Variants in SMAD5 observed in about 807,000 individuals in gnomAD.
SMAD5 encodes MAD, mothers against decapentaplegic homolog 5.
In SMAD5, 9 loss-of-function variants were observed where a neutral mutation model predicts 43.1. The observed-to-expected ratio is 0.21, with a 90% CI of 0.13 to 0.36. SMAD5 has a LOEUF of 0.36. Among genes scored for constraint, SMAD5 ranks in the 10% least tolerant of loss-of-function variants. SMAD5 has a pLI of 1.00. For missense variants in SMAD5, 348 were observed against 574.0 expected (o/e 0.61, Z 4.02); for synonymous variants, 190 against 192.4 (o/e 0.99, Z 0.10).
intron 1 of SMAD5, among the ~76,000 whole-genome samples, chr5:136,145,234 C>T (rs1753220830): frequency 1.3e-5 from 2 of 151,740 alleles, no homozygotes; most frequent in South Asian, 4.2e-4. Flanking sequence ...ATGGCTCTGA[C>T]TTGCTGTTTC....
At chr5:136,154,231 T>C in intron 3 of SMAD5, 68 bp downstream of exon 3, 4 of 920,982 alleles carry the variant, frequency 4.3e-6, no homozygotes, top group Non-Finnish European at 6.2e-6. Context: ...GATATGCATG[T>C]AACTAGATTT....
At chr5:136,168,090 C>G (rs1348083666) in intron 5 of SMAD5, among the ~76,000 whole-genome samples, 2 of 152,146 alleles carry the variant, frequency 1.3e-5, no homozygotes, top group African/African-American at 4.8e-5. Flanking sequence ...ATCTGCCCAC[C>G]TTGGCCTCCC....
intron 1 of SMAD5, among the ~76,000 whole-genome samples, chr5:136,135,197 A>T (rs889174995): frequency 6.6e-6 from 1 of 152,196 alleles, no homozygotes; most frequent in Admixed American, 6.5e-5. Flanking sequence ...ATGAGGTTTG[A>T]ATCAGATTGT....
intron 7 of SMAD5, among the ~76,000 whole-genome samples, chr5:136,175,001 C>A (rs568378537): frequency 6.6e-6 from 1 of 152,308 alleles, no homozygotes; most frequent in African/African-American, 2.4e-5. Context: ...TTAATGAACT[C>A]ACAGTTCCAC....
At chr5:136,157,612 A>G (rs1753682310) in intron 3 of SMAD5, among the ~76,000 whole-genome samples, 1 of 152,148 alleles carries the variant, frequency 6.6e-6, no homozygotes, top group African/African-American at 2.4e-5. Context: ...TCTCATAAGG[A>G]GCGCACAACC....
chr5:136,161,125 T>C lies in SMAD5; in HGVS notation c.655+18T>C. 6.3e-7 allele frequency: 1 copy of C among 1,577,322 alleles called. No individual in the cohort carries two copies. Among genetic ancestry groups the C allele is most frequent in the Non-Finnish European group, 8.6e-7 (1 of 1,169,538 alleles). On this transcript the variant is annotated intron_variant, in intron 4 of 7. Transcript: ENST00000545279. ...GCTCCCAGGTAAGACTTTATTTTAT[T>C]GATACCAAAAAAAAAAAAATTCCTA...
chr5:136,164,481 A>G (rs1193771029), intron 5 of SMAD5, among the ~76,000 whole-genome samples: 2 of 152,166 alleles, frequency 1.3e-5, no homozygotes, highest in African/African-American at 4.8e-5. Flanking sequence ...GCATTTCTCT[A>G]ATGAGCAATG....
chr5:136,134,490 A>G (rs1752806933), intron 1 of SMAD5: 1 of 152,266 alleles, frequency 6.6e-6, no homozygotes, highest in African/African-American at 2.4e-5. Flanking sequence ...AACAGTACCT[A>G]CATTCAGTGT....
rs1379213715 is a variant in SMAD5, at chr5:136,178,657, G to T, written c.*1177G>T. 1 of 152,146 alleles carries T rather than the reference G, an allele frequency of 6.6e-6. No individual in the cohort carries two copies. Among genetic ancestry groups the T allele is most frequent in the East Asian group, 1.9e-4 (1 of 5,188 alleles). 9.4% of individuals were successfully genotyped at this position (152,146 alleles called of 1,614,324 possible). ...TACTTGTATCAGCCTCCCTACGCAA[G>T]GACCTATGCACTGGAGCCGTAGGAG... On this transcript the variant is annotated 3_prime_UTR_variant, in exon 8 of 8. Coordinates refer to ENST00000545279, the MANE Select transcript of SMAD5 (RefSeq NM_005903.7).
Position 136,137,273 on chromosome 5 carries a change from C to CCCA in SMAD5, c.-245+4313_-245+4314insACC, listed in dbSNP as rs1272147669. On this transcript the variant is annotated intron_variant, in intron 1 of 7. Transcript: ENST00000545279. The stretch of plus-strand genomic sequence containing the variant: ...TTTTGCTCTTGAATTTTTTGGGACC[C>CCCA]CCCCCCGCATCTCTTCCTATAGCAT... Among the ~76,000 whole-genome samples the CCCA allele has an allele frequency of 1.2e-4, 18 of 147,424 alleles. 1 individual carries two copies. Among genetic ancestry groups the CCCA allele is most frequent in the Admixed American group, 3.3e-4 (5 of 15,024 alleles).
At chr5:136,146,033 C>G (rs1753247046) in intron 1 of SMAD5, among the ~76,000 whole-genome samples, 1 of 151,870 alleles carries the variant, frequency 6.6e-6, no homozygotes, top group Non-Finnish European at 1.5e-5. Context: ...TAGTTATGGG[C>G]ACATTTCAGT....
In SMAD5 at chr5:136,167,670, C is replaced by T. The variant is rs117926545; in HGVS notation, c.775+4279C>T. Among the ~76,000 whole-genome samples, 125 of 149,258 alleles carry T rather than the reference C, an allele frequency of 8.4e-4. 2 individuals carry two copies. The East Asian group carries it at 0.022, about 26-fold the overall frequency. ...GTGGGTGCTTGTAATCCCACCTGCT[C>T]GGGAGGCTGAGGCTGGAGAATCACT... On this transcript the variant is annotated intron_variant, in intron 5 of 7. Coordinates refer to ENST00000545279, the MANE Select transcript of SMAD5 (RefSeq NM_005903.7).
chr5:136,154,070 C>T lies in SMAD5; in HGVS notation c.310C>T (p.Leu104=), dbSNP rs756233682. The change falls in exon 3 of 8, where the codon CTA becomes TTA. Residue 104 remains leucine (L), a synonymous_variant. Coordinates refer to ENST00000545279, the MANE Select transcript of SMAD5 (RefSeq NM_005903.7). ...RWPDLQSHHE[L]KPLDICEFPF... The stretch of plus-strand genomic sequence containing the variant: ...GCCGGATTTGCAGAGTCATCATGAG[C>T]TAAAGCCGTTGGATATTTGTGAATT... 2 of 1,602,314 alleles carry T rather than the reference C, an allele frequency of 1.2e-6. No individual in the cohort carries two copies. The highest frequency in any genetic ancestry group is 1.7e-6 in the Non-Finnish European group (2 of 1,174,286).
At chr5:136,153,345 A>G (rs868314936) in intron 2 of SMAD5, among the ~76,000 whole-genome samples, 2 of 152,104 alleles carry the variant, frequency 1.3e-5, no homozygotes, top group Admixed American at 1.3e-4. Context: ...TGGATAATAC[A>G]TAGGAGGTAG....
intron 1 of SMAD5, chr5:136,134,095 A>C (rs1752790477): frequency 6.7e-6 from 1 of 149,856 alleles, no homozygotes; most frequent in African/African-American, 2.5e-5. Flanking sequence ...TTGTGCATTT[A>C]AATGGGTGTG....
chr5:136,147,986 T>C (rs1160111577), intron 2 of SMAD5, 80 bp downstream of exon 2: 3 of 151,890 alleles, frequency 2.0e-5, no homozygotes, highest in Non-Finnish European at 2.9e-5. Flanking sequence ...ATGCCTTCTA[T>C]AGAGAATTTC....
chr5:136,136,067 GATATTCTAGAGAAAAGA>G lies in SMAD5; in HGVS notation c.-245+3124_-245+3140del, dbSNP rs565843584. Among the ~76,000 whole-genome samples the G allele has an allele frequency of 8.2e-3, 1,255 of 152,240 alleles. 16 individuals carry two copies. Among genetic ancestry groups the G allele is most frequent in the Middle Eastern group, 0.058 (17 of 294 alleles). On this transcript the variant is annotated intron_variant, in intron 1 of 7. Transcript: ENST00000545279. ...GATATTCTAGAGAAAAGAATACCTGGATATTCTAGAGAAAAGAATATTCTAGAGAAAAGAAAAGGCCC... is the reference window on the plus strand; with the variant it reads ...GATATTCTAGAGAAAAGAATACCTGGATATTCTAGAGAAAAGAAAAGGCCC...
At chr5:136,154,527 C>T (rs1406033909) in intron 3 of SMAD5, among the ~76,000 whole-genome samples, 1 of 152,058 alleles carries the variant, frequency 6.6e-6, no homozygotes, top group Non-Finnish European at 1.5e-5. Context: ...TTCTCTCCAG[C>T]ATTATATTTT....
intron 7 of SMAD5, 46 bp downstream of exon 7, chr5:136,174,678 TA>T (rs772980140): frequency 7.3e-7 from 1 of 1,361,706 alleles, no homozygotes; most frequent in Non-Finnish European, 1.0e-6. Flanking sequence ...TAAATGTGTA[TA>T]TTATGACTTT....
Sources: allele counts gnomAD v4.1 joint callset (sites outside exome capture counted in the v4.1 genomes callset), GRCh38; gene constraint gnomAD v4.1.1; transcripts MANE v1.5; gene names NCBI Gene and HGNC (gene_info 2026-07-23, HGNC 2026-07-21).